Variants in AFAP1 observed in about 807,000 individuals in gnomAD.
AFAP1 encodes actin filament associated protein 1.
Under a neutral mutation model 93.9 loss-of-function variants are expected in AFAP1, and 75 were observed. That is an observed-to-expected ratio of 0.80 (90% confidence interval 0.66 to 0.97). The LOEUF is 0.97. AFAP1 is among the 50% of genes least tolerant of loss of function. AFAP1 has a pLI of 0.00. For synonymous variants in AFAP1, 517 were observed against 430.7 expected, an observed-to-expected ratio of 1.20 and a Z score of -2.48; for missense variants, 1,201 against 1,050.8, an observed-to-expected ratio of 1.14 and a Z score of -1.98.
At position 7,895,403 on chromosome 4, in the gene AFAP1, A is replaced by T. The variant is rs555347416; in HGVS notation, c.-2-23323T>A. 5.4e-4 allele frequency among the ~76,000 whole-genome samples: 63 copies of T among 116,582 alleles called. 1 individual carries two copies. The highest frequency in any genetic ancestry group is 7.1e-4 in the Non-Finnish European group (33 of 46,512). 76.5% of individuals were successfully genotyped at this position (116,582 alleles called of 152,430 possible). On this transcript the variant is annotated intron_variant, in intron 1 of 17. Coordinates refer to ENST00000420658, the MANE Select transcript of AFAP1 (RefSeq NM_001134647.2). ...ATTATTATCTGTTAAAGATTTTTTT[A>T]AAAAAAGCTCTTAAAGGATAATCTC...
intron 1 of AFAP1, among the ~76,000 whole-genome samples, chr4:7,903,374 C>T (rs1407258707): frequency 6.6e-6 from 1 of 152,222 alleles, no homozygotes; most frequent in African/African-American, 2.4e-5. Context: ...TGGGGTGACG[C>T]TAGCGTTACA....
chr4:7,769,799 C>A (rs1384020944), intron 16 of AFAP1, among the ~76,000 whole-genome samples: 1 of 152,206 alleles, frequency 6.6e-6, no homozygotes, highest in Non-Finnish European at 1.5e-5. Context: ...GTTTCAATTA[C>A]CATGAAAATG....
intron 1 of AFAP1, among the ~76,000 whole-genome samples, chr4:7,931,561 T>C (rs1427690083): frequency 6.6e-6 from 1 of 151,032 alleles, no homozygotes; most frequent in Non-Finnish European, 1.5e-5. Context: ...TTTTTTTTTT[T>C]GGTAGAGGTG....
Position 7,772,862 on chromosome 4 carries a change from C to G in AFAP1, c.2211G>C (p.Leu737=). The G allele has an allele frequency of 6.2e-7, 1 of 1,614,076 alleles. No individual in the cohort carries two copies. Among genetic ancestry groups the G allele is most frequent in the Non-Finnish European group, 8.5e-7 (1 of 1,180,034 alleles). ...CTGACTTGGGCTCGATGGCCAGCCC[C>G]AGGGTGACTCCGCCCGCCAGCGCTT... ...LKKALAGGVT[L]GLAIEPKSGT... is the part of the protein sequence containing the mutation. The change falls in exon 16 of 18, where the codon CTG becomes CTC. Residue 737 remains leucine (L), a synonymous_variant. Coordinates refer to ENST00000420658, the MANE Select transcript of AFAP1 (RefSeq NM_001134647.2).
chr4:7,822,716 C>G (rs1721080726), intron 6 of AFAP1, among the ~76,000 whole-genome samples: 2 of 150,878 alleles, frequency 1.3e-5, no homozygotes, highest in African/African-American at 4.9e-5. Context: ...TCCTGAGTAG[C>G]TGGGACTATA....
At chr4:7,832,795 TG>T (rs921331313) in intron 6 of AFAP1, among the ~76,000 whole-genome samples, 2 of 152,146 alleles carry the variant, frequency 1.3e-5, no homozygotes, top group Non-Finnish European at 2.9e-5. Context: ...CAAAACAGCA[TG>T]GTACTGGTAT....
chr4:7,866,655 G>T (rs1716429669), intron 3 of AFAP1, among the ~76,000 whole-genome samples: 13 of 152,144 alleles, frequency 8.5e-5, no homozygotes, highest in Admixed American at 8.5e-4. Context: ...GCCAGAAAAT[G>T]GAAGAACTGC....
intron 17 of AFAP1, among the ~76,000 whole-genome samples, chr4:7,764,065 T>C (rs1001202252): frequency 1.3e-5 from 2 of 152,172 alleles, no homozygotes; most frequent in African/African-American, 2.4e-5. Context: ...CACCGATGGA[T>C]AGACATGTAA....
chr4:7,888,508 G>C (rs548486727), intron 1 of AFAP1, among the ~76,000 whole-genome samples: 1 of 152,122 alleles, frequency 6.6e-6, no homozygotes, highest in Non-Finnish European at 1.5e-5. Context: ...CAAAAACATG[G>C]ATGAAATGGG....
chr4:7,774,944 C>T (rs1306749537), intron 14 of AFAP1, 41 bp from the exon 15 acceptor site: 4 of 1,595,914 alleles, frequency 2.5e-6, no homozygotes, highest in Admixed American at 1.8e-5. Flanking sequence ...ATTAGGTTTA[C>T]TAGCCTGGGA....
Position 7,868,614 on chromosome 4 carries a change from T to C in AFAP1, c.225+8A>G, listed in dbSNP as rs371569217. 4.3e-6 allele frequency: 7 copies of C among 1,609,838 alleles called. No individual in the cohort carries two copies. The African/African-American group carries it at 8.0e-5, about 18-fold the overall frequency. ...GATGACCACTGAGATGGTGGGACCT[T>C]GACTCACCAGCCAGGGCTGAGGGAT... On this transcript the variant is annotated splice_region_variant and intron_variant, in intron 3 of 17. Coordinates refer to ENST00000420658, the MANE Select transcript of AFAP1 (RefSeq NM_001134647.2).
intron 1 of AFAP1, among the ~76,000 whole-genome samples, chr4:7,915,786 G>A (rs1261655755): frequency 3.3e-5 from 5 of 152,184 alleles, no homozygotes; most frequent in African/African-American, 1.2e-4. Context: ...CCTCAATGGA[G>A]AGTAGCTGGT....
chr4:7,823,542 A>C (rs1320235422), intron 6 of AFAP1, among the ~76,000 whole-genome samples: 4 of 152,172 alleles, frequency 2.6e-5, no homozygotes, highest in African/African-American at 7.2e-5. Context: ...AGCTCCTGGC[A>C]GACTCGCCTG....
At chr4:7,880,735 AG>A (rs1395989311) in intron 1 of AFAP1, among the ~76,000 whole-genome samples, 1 of 152,226 alleles carries the variant, frequency 6.6e-6, no homozygotes, top group African/African-American at 2.4e-5. Context: ...TTCCTCACAC[AG>A]GAACTCCAAG....
chr4:7,901,670 G>A (rs1349553671), intron 1 of AFAP1, among the ~76,000 whole-genome samples: 3 of 152,226 alleles, frequency 2.0e-5, no homozygotes, highest in Non-Finnish European at 4.4e-5. Context: ...AGAACGGAAA[G>A]GAATGCGCCT....
At chr4:7,816,786 G>A (rs918351907) in intron 7 of AFAP1, among the ~76,000 whole-genome samples, 1 of 152,328 alleles carries the variant, frequency 6.6e-6, no homozygotes, top group South Asian at 2.1e-4. Flanking sequence ...TGCCTTCCAC[G>A]AGGGCCTTGG....
At position 7,758,872 on chromosome 4, in the gene AFAP1, G is replaced by C. The variant is rs1322201090; in HGVS notation, c.*4893C>G. On this transcript the variant is annotated 3_prime_UTR_variant, in exon 18 of 18. Transcript: ENST00000420658. Reference sequence around the variant, plus strand: ...TGGACTGAAAACTAGGATTTTCCTTGCAAGTTTCTTTTCATAAAATTTTTA... The same window carrying C: ...TGGACTGAAAACTAGGATTTTCCTTCCAAGTTTCTTTTCATAAAATTTTTA... 6.6e-6 allele frequency: 1 copy of C among 152,176 alleles called. No homozygotes were observed. Among genetic ancestry groups the C allele is most frequent in the Non-Finnish European group, 1.5e-5 (1 of 68,032 alleles). 9.4% of individuals were successfully genotyped at this position (152,176 alleles called of 1,614,324 possible). A position where few individuals can be genotyped will look rare whatever the true frequency, so the allele number is the denominator to read the frequency against.
chr4:7,924,733 A>AC (rs1720636551), intron 1 of AFAP1, among the ~76,000 whole-genome samples: 1 of 151,894 alleles, frequency 6.6e-6, no homozygotes, highest in Admixed American at 6.6e-5. Context: ...CAGGACACCA[A>AC]CCCCCTATCT....
At chr4:7,817,501 G>T (rs975154501) in intron 7 of AFAP1, among the ~76,000 whole-genome samples, 2 of 152,204 alleles carry the variant, frequency 1.3e-5, no homozygotes, top group Non-Finnish European at 2.9e-5. Flanking sequence ...TGAGACAGGA[G>T]AATGACTTGA....
Sources: allele counts gnomAD v4.1 joint callset (sites outside exome capture counted in the v4.1 genomes callset), GRCh38; gene constraint gnomAD v4.1.1; transcripts MANE v1.5; gene names NCBI Gene and HGNC (gene_info 2026-07-23, HGNC 2026-07-21).